MAF: variants seen among roughly 807,000 people sequenced by gnomAD.
The protein encoded by MAF is transcription factor Maf.
A neutral mutation model predicts 22.0 loss-of-function variants in MAF; 10 were observed. The observed-to-expected ratio is 0.45, with a 90% CI of 0.28 to 0.77. The LOEUF (loss-of-function observed/expected upper bound fraction) is 0.77, where lower values mean the gene tolerates loss of function less well. MAF is among the 30% of genes least tolerant of loss of function. The pLI, the probability that MAF is intolerant of heterozygous loss-of-function variation, is 0.12. For missense variants in MAF, 544 were observed against 548.4 expected, an observed-to-expected ratio of 0.99 and a Z score of 0.08; for synonymous variants, 337 against 255.8, an observed-to-expected ratio of 1.32 and a Z score of -3.03.
At chr16:79,260,873 G>A in the MAF span, among the ~76,000 whole-genome samples, 6 of 152,056 alleles carry the variant, frequency 3.9e-5, no homozygotes, top group African/African-American at 1.2e-4. Flanking sequence ...AAAACTATTT[G>A]TATAGCAAAG....
At chr16:79,462,947 G>C in the MAF span, among the ~76,000 whole-genome samples, 4 of 152,200 alleles carry the variant, frequency 2.6e-5, no homozygotes, top group Non-Finnish European at 1.5e-5. Flanking sequence ...ACATAAATCA[G>C]GATAGGGGAT....
intron 1 of MAF, chr16:79,596,636 C>G: frequency 2.9e-6 from 3 of 1,039,602 alleles, no homozygotes; most frequent in Non-Finnish European, 3.5e-6. Flanking sequence ...AGAAAAGTAA[C>G]TGACAAGATT....
At chr16:79,534,807 G>C in the MAF span, among the ~76,000 whole-genome samples, 11 of 152,176 alleles carry the variant, frequency 7.2e-5, no homozygotes, top group Admixed American at 3.9e-4. Flanking sequence ...TGTACTGACT[G>C]TAAGGGTCTA....
At chr16:79,494,068 A>G in the MAF span, among the ~76,000 whole-genome samples, 2 of 152,176 alleles carry the variant, frequency 1.3e-5, no homozygotes, top group Non-Finnish European at 2.9e-5. Flanking sequence ...GCCTTCTATC[A>G]TGTTTAGCCT....
chr16:79,304,349 A>G, the MAF span, among the ~76,000 whole-genome samples: 2 of 152,216 alleles, frequency 1.3e-5, no homozygotes, highest in Admixed American at 6.5e-5. Flanking sequence ...CCGCTTGGAC[A>G]CTGGGTGATA....
chr16:79,313,571 C>G, the MAF span, among the ~76,000 whole-genome samples: 1 of 152,134 alleles, frequency 6.6e-6, no homozygotes, highest in Non-Finnish European at 1.5e-5. Flanking sequence ...AGAGTCAGTC[C>G]CCTGTCTCTG....
chr16:79,316,308 G>C, the MAF span, among the ~76,000 whole-genome samples: 3 of 152,176 alleles, frequency 2.0e-5, no homozygotes, highest in Admixed American at 6.5e-5. Context: ...CTTTCAGCTT[G>C]TGCAATGTTC....
chr16:79,468,297 C>T, the MAF span, among the ~76,000 whole-genome samples: 4 of 152,218 alleles, frequency 2.6e-5, no homozygotes, highest in African/African-American at 9.6e-5. Flanking sequence ...TGATTTACTG[C>T]TGCCCTGGGC....
the MAF span, among the ~76,000 whole-genome samples, chr16:79,347,506 G>A: frequency 6.6e-6 from 1 of 152,324 alleles, no homozygotes; most frequent in East Asian, 1.9e-4. Flanking sequence ...TCCTCAGCAC[G>A]GCTGGAGTAC....
the MAF span, among the ~76,000 whole-genome samples, chr16:79,557,213 T>G: frequency 6.6e-6 from 1 of 151,826 alleles, no homozygotes; most frequent in Non-Finnish European, 1.5e-5. Context: ...CATCTACACT[T>G]GGGCTGCTGG....
the MAF span, among the ~76,000 whole-genome samples, chr16:79,572,368 TC>T: frequency 1.3e-5 from 2 of 152,148 alleles, no homozygotes; most frequent in African/African-American, 4.8e-5. Flanking sequence ...CCCCTCCCTT[TC>T]TTCCCCCAAC....
At chr16:79,247,712 T>A in the MAF span, among the ~76,000 whole-genome samples, 450 of 152,282 alleles carry the variant, frequency 3.0e-3, 6 homozygotes, top group Admixed American at 0.023. Context: ...TGGAAGCCTT[T>A]GTTGGTTAAA....
the MAF span, among the ~76,000 whole-genome samples, chr16:79,565,444 T>G: frequency 6.6e-6 from 1 of 152,046 alleles, no homozygotes; most frequent in Admixed American, 6.6e-5. Flanking sequence ...AGTGATATGG[T>G]TTCGCTGTGT....
chr16:79,447,724 C>G, the MAF span, among the ~76,000 whole-genome samples: 2 of 151,472 alleles, frequency 1.3e-5, no homozygotes, highest in African/African-American at 2.4e-5. Flanking sequence ...CTAAAGGGTT[C>G]CAGACTTTAA....
the MAF span, among the ~76,000 whole-genome samples, chr16:79,275,996 C>T: frequency 1.3e-5 from 2 of 152,122 alleles, no homozygotes; most frequent in South Asian, 2.1e-4. Context: ...AAAAAGTTTG[C>T]CAGGTGTGGT....
At chr16:79,254,525 TG>T in the MAF span, among the ~76,000 whole-genome samples, 1 of 152,236 alleles carries the variant, frequency 6.6e-6, no homozygotes, top group African/African-American at 2.4e-5. Flanking sequence ...TACTTATTTA[TG>T]GTTGATTGCC....
the MAF span, among the ~76,000 whole-genome samples, chr16:79,456,818 C>G: frequency 6.6e-6 from 1 of 152,080 alleles, no homozygotes; most frequent in Non-Finnish European, 1.5e-5. Context: ...GGACATTTTG[C>G]TAAAAATTAA....
intron 1 of MAF, chr16:79,595,363 A>C: frequency 9.5e-7 from 1 of 1,051,360 alleles, no homozygotes. Context: ...AGCACCAAAC[A>C]CAACCTGTTT....
chr16:79,572,275 T>C, the MAF span, among the ~76,000 whole-genome samples: 1 of 152,186 alleles, frequency 6.6e-6, no homozygotes, highest in South Asian at 2.1e-4. Context: ...TGGAGGGACG[T>C]GCCAGGCATT....
Sources: gnomAD v4.1 joint callset for allele counts (sites outside exome capture counted in the v4.1 genomes callset) on GRCh38, gnomAD v4.1.1 for gene constraint, MANE v1.5 for transcripts, NCBI Gene and HGNC (gene_info 2026-07-23, HGNC 2026-07-21) for gene names.